Variants in CLIC4 observed in about 807,000 individuals in gnomAD.
CLIC4 encodes the protein chloride intracellular channel protein 4.
In CLIC4, 13 loss-of-function variants were observed where a neutral mutation model predicts 24.6. The observed-to-expected ratio is 0.53, with a 90% CI of 0.34 to 0.84. CLIC4 has a LOEUF of 0.84. Among genes scored for constraint, CLIC4 ranks in the 40% least tolerant of loss-of-function variants. The pLI is 0.01. For synonymous variants in CLIC4, 104 were observed against 111.3 expected, an observed-to-expected ratio of 0.93 and a Z score of 0.41; for missense variants, 227 against 301.7, an observed-to-expected ratio of 0.75 and a Z score of 1.83.
intron 3 of CLIC4, among the ~76,000 whole-genome samples, chr1:24,821,104 G>T (rs1639726398): frequency 6.6e-6 from 1 of 152,080 alleles, no homozygotes; most frequent in Non-Finnish European, 1.5e-5. Flanking sequence ...AGGATTGCTT[G>T]GGCCTGGGAG....
intron 1 of CLIC4, among the ~76,000 whole-genome samples, chr1:24,768,661 C>G (rs1639035230): frequency 1.3e-5 from 2 of 152,004 alleles, no homozygotes; most frequent in South Asian, 4.2e-4. Flanking sequence ...GCCTGTAATC[C>G]CTGTACTTTG....
chr1:24,819,253 C>T (rs1639702177), intron 3 of CLIC4, among the ~76,000 whole-genome samples: 1 of 152,072 alleles, frequency 6.6e-6, no homozygotes, highest in Non-Finnish European at 1.5e-5. Context: ...CCTAACCTTC[C>T]TTTCATCCCC....
At chr1:24,802,354 A>G (rs944105057) in intron 2 of CLIC4, among the ~76,000 whole-genome samples, 3 of 152,196 alleles carry the variant, frequency 2.0e-5, no homozygotes, top group Non-Finnish European at 2.9e-5. Flanking sequence ...ATGTGGAAAT[A>G]TGTGTAAGTG....
At chr1:24,806,080 A>T (rs1204619752) in intron 2 of CLIC4, among the ~76,000 whole-genome samples, 2 of 152,258 alleles carry the variant, frequency 1.3e-5, no homozygotes, top group Non-Finnish European at 2.9e-5. Context: ...TAAGGGAAAT[A>T]TTTGAATGAG....
At chr1:24,760,010 G>T (rs1157859898) in intron 1 of CLIC4, among the ~76,000 whole-genome samples, 7 of 151,950 alleles carry the variant, frequency 4.6e-5, no homozygotes, top group Non-Finnish European at 7.4e-5. Context: ...TCAATAATTA[G>T]TTGCATGTTA....
intron 2 of CLIC4, among the ~76,000 whole-genome samples, chr1:24,806,286 G>A (rs1639549825): frequency 6.6e-6 from 1 of 152,214 alleles, no homozygotes; most frequent in South Asian, 2.1e-4. Context: ...TGAGAGGGCA[G>A]GTGAGAACTG....
intron 1 of CLIC4, among the ~76,000 whole-genome samples, chr1:24,761,876 G>T (rs553491704): frequency 1.3e-5 from 2 of 152,252 alleles, no homozygotes; most frequent in South Asian, 4.1e-4. Context: ...TGTGAGAAAT[G>T]ACTTGGGTTT....
At chr1:24,827,319 G>A (rs1395253519) in intron 4 of CLIC4, among the ~76,000 whole-genome samples, 1 of 152,196 alleles carries the variant, frequency 6.6e-6, no homozygotes, top group African/African-American at 2.4e-5. Flanking sequence ...TTTCTAGCTA[G>A]TAGCACAGTA....
intron 1 of CLIC4, among the ~76,000 whole-genome samples, chr1:24,755,134 A>T (rs2124081830): frequency 6.6e-6 from 1 of 151,192 alleles, no homozygotes; most frequent in African/African-American, 2.4e-5. Flanking sequence ...TAAAAACTAA[A>T]TTTTTGTATT....
chr1:24,794,251 T>C (rs1341545602), intron 1 of CLIC4, among the ~76,000 whole-genome samples: 1 of 152,220 alleles, frequency 6.6e-6, no homozygotes, highest in Non-Finnish European at 1.5e-5. Flanking sequence ...TTTTAGCTCT[T>C]TGAGGAATTG....
chr1:24,816,948 AG>A (rs1437929019), intron 3 of CLIC4, among the ~76,000 whole-genome samples: 1 of 152,228 alleles, frequency 6.6e-6, no homozygotes, highest in Non-Finnish European at 1.5e-5. Flanking sequence ...ATAATTCTTA[AG>A]GGTTCTTCAA....
chr1:24,826,650 T>A (rs1639789318), intron 3 of CLIC4, among the ~76,000 whole-genome samples: 1 of 152,234 alleles, frequency 6.6e-6, no homozygotes, highest in Non-Finnish European at 1.5e-5. Context: ...ATTTCCATCA[T>A]CACAGAAAGT....
At chr1:24,806,553 C>G (rs1158356409) in intron 2 of CLIC4, among the ~76,000 whole-genome samples, 1 of 152,136 alleles carries the variant, frequency 6.6e-6, no homozygotes, top group Non-Finnish European at 1.5e-5. Context: ...ACAAGATAGA[C>G]TATTCACTAA....
At chr1:24,819,620 G>C (rs1639705184) in intron 3 of CLIC4, among the ~76,000 whole-genome samples, 1 of 151,734 alleles carries the variant, frequency 6.6e-6, no homozygotes, top group Non-Finnish European at 1.5e-5. Flanking sequence ...TCTGTTTTTA[G>C]TAGAGATGGG....
At chr1:24,788,413 C>A (rs1280818472) in intron 1 of CLIC4, among the ~76,000 whole-genome samples, 2 of 152,168 alleles carry the variant, frequency 1.3e-5, no homozygotes, top group Non-Finnish European at 2.9e-5. Flanking sequence ...TATGAATTTG[C>A]CTATTTTGGA....
intron 1 of CLIC4, among the ~76,000 whole-genome samples, chr1:24,760,436 A>G (rs1348672586): frequency 6.6e-6 from 1 of 152,158 alleles, no homozygotes; most frequent in Non-Finnish European, 1.5e-5. Context: ...TGAATTAGAT[A>G]CAAAGTCTTT....
At position 24,813,953 on chromosome 1, in the gene CLIC4, AGCAGTGTCCCACCTCAGCCTCCTGTAGT is replaced by A. The variant is rs1256800154; in HGVS notation, c.183-138_183-111del. The A allele has an allele frequency of 7.9e-6, 7 of 882,622 alleles. No individual in the cohort carries two copies. The East Asian group carries it at 1.8e-4, about 23-fold the overall frequency. 54.7% of individuals were successfully genotyped at this position (882,622 alleles called of 1,614,324 possible). A position where few individuals can be genotyped will look rare whatever the true frequency, so the allele number is the denominator to read the frequency against. On this transcript the variant is annotated intron_variant, in intron 2 of 5. Coordinates refer to ENST00000374379, the MANE Select transcript of CLIC4 (RefSeq NM_013943.3). Reference sequence around the variant, plus strand: ...GGCTGGGTCTCAAACTCCTGGGCTAAGCAGTGTCCCACCTCAGCCTCCTGTAGTGCTACGACTACAGACGCAAGCCACC... The same window carrying A: ...GGCTGGGTCTCAAACTCCTGGGCTAAGCTACGACTACAGACGCAAGCCACC...
intron 2 of CLIC4, among the ~76,000 whole-genome samples, chr1:24,808,558 C>T (rs1639579194): frequency 6.6e-6 from 1 of 151,656 alleles, no homozygotes. Flanking sequence ...TTCTGTCGCC[C>T]AGGCTGGAGT....
rs752124021 is a variant in CLIC4, at chr1:24,841,155, C to T, written c.*218C>T. ...CTTTACCCTGGCTACCTCCCCTACC[C>T]GGGTTCCCCTCTCTTTAATTTGGAG... On this transcript the variant is annotated 3_prime_UTR_variant, in exon 6 of 6. Transcript: ENST00000374379. 7 of 321,874 alleles carry T rather than the reference C, an allele frequency of 2.2e-5. No individual in the cohort carries two copies. In the South Asian group the frequency reaches 6.9e-4, roughly 32 times the overall value. The allele number at this position is 321,874 out of a possible 1,614,324, so 19.9% of individuals were successfully genotyped here. A position where few individuals can be genotyped will look rare whatever the true frequency, so the allele number is the denominator to read the frequency against.
Sources: gnomAD v4.1 joint callset for allele counts (sites outside exome capture counted in the v4.1 genomes callset) on GRCh38, gnomAD v4.1.1 for gene constraint, MANE v1.5 for transcripts, NCBI Gene and HGNC (gene_info 2026-07-23, HGNC 2026-07-21) for gene names.